LRRC4C: variants seen among roughly 807,000 people sequenced by gnomAD.
LRRC4C encodes leucine-rich repeat-containing protein 4C.
In LRRC4C, 5 loss-of-function variants were observed where a neutral mutation model predicts 33.6. The observed-to-expected ratio is 0.15, with a 90% CI of 0.08 to 0.31. The LOEUF (loss-of-function observed/expected upper bound fraction) is 0.31, where lower values mean the gene tolerates loss of function less well. Among genes scored for constraint, LRRC4C ranks in the 10% least tolerant of loss-of-function variants. LRRC4C has a pLI of 1.00. For missense variants in LRRC4C, 560 were observed against 796.7 expected (o/e 0.70, Z 3.58); for synonymous variants, 329 against 302.0 (o/e 1.09, Z -0.93).
At chr11:40,700,230 T>A (rs78390788) in intron 2 of LRRC4C, among the ~76,000 whole-genome samples, 22,361 of 152,148 alleles carry the variant, frequency 0.15, 1,726 homozygotes, top group South Asian at 0.17. Flanking sequence ...TGTTATTTTG[T>A]TTAAACGTGA....
In LRRC4C at chr11:41,095,816, T is replaced by G. The variant is rs1343257271; in HGVS notation, c.-495-162093A>C. Among the ~76,000 whole-genome samples, 3 of 152,230 alleles carry G rather than the reference T, an allele frequency of 2.0e-5. No homozygotes were observed. In the East Asian group the frequency reaches 5.8e-4, roughly 29 times the overall value. ...TTTATTAGTGATAACGGTGGTGTTT[T>G]GATTTCCATCTGTCTGACTCATGTG... On this transcript the variant is annotated intron_variant, in intron 1 of 6. Transcript: ENST00000528697.
intron 1 of LRRC4C, among the ~76,000 whole-genome samples, chr11:41,181,515 C>T (rs1945448968): frequency 6.6e-6 from 1 of 152,136 alleles, no homozygotes. Flanking sequence ...CTCTGCTGAG[C>T]TCCTTTAGAA....
intron 3 of LRRC4C, among the ~76,000 whole-genome samples, chr11:40,477,554 A>G (rs900566751): frequency 6.6e-6 from 1 of 152,068 alleles, no homozygotes; most frequent in Non-Finnish European, 1.5e-5. Flanking sequence ...CTAAAAAAAA[A>G]AGTCTTCTAA....
chr11:41,068,972 G>T (rs537146128), intron 1 of LRRC4C, among the ~76,000 whole-genome samples: 1 of 152,200 alleles, frequency 6.6e-6, no homozygotes, highest in South Asian at 2.1e-4. Context: ...ATCAAAAAAA[G>T]AAAACTCAGG....
At position 40,965,817 on chromosome 11, in the gene LRRC4C, T is replaced by C. The variant is rs541296955; in HGVS notation, c.-495-32094A>G. The stretch of plus-strand genomic sequence containing the variant: ...TCAGGTAGCGTGATGCCTCCAACTT[T>C]GTTCTTTTGGCTTAGGATTGACTTG... On this transcript the variant is annotated intron_variant, in intron 1 of 6. Coordinates refer to ENST00000528697, the MANE Select transcript of LRRC4C (RefSeq NM_001258419.2). Among the ~76,000 whole-genome samples the C allele has an allele frequency of 7.2e-5, 11 of 152,198 alleles. 1 individual carries two copies. In the South Asian group the frequency reaches 2.3e-3, roughly 32 times the overall value.
At chr11:41,345,569 C>G (rs905753627) in intron 1 of LRRC4C, among the ~76,000 whole-genome samples, 9 of 152,096 alleles carry the variant, frequency 5.9e-5, no homozygotes, top group Non-Finnish European at 1.2e-4. Context: ...TTCCCATAGC[C>G]TATTATCTAT....
intron 3 of LRRC4C, among the ~76,000 whole-genome samples, chr11:40,645,336 C>T (rs1942383441): frequency 6.6e-6 from 1 of 152,084 alleles, no homozygotes; most frequent in South Asian, 2.1e-4. Context: ...ACAGAACAGG[C>T]TGTGTGCTTT....
chr11:41,349,485 C>A (rs1286900659), intron 1 of LRRC4C, among the ~76,000 whole-genome samples: 6 of 152,028 alleles, frequency 3.9e-5, no homozygotes, highest in African/African-American at 7.2e-5. Flanking sequence ...AACAAAAAAA[C>A]AACAACAAAA....
intron 3 of LRRC4C, among the ~76,000 whole-genome samples, chr11:40,546,087 TTCC>T (rs1956906501): frequency 8.5e-5 from 1 of 11,776 alleles, no homozygotes; most frequent in Non-Finnish European, 2.4e-4. Flanking sequence ...CCTTCCTACC[TTCC>T]TTCCTTCCTT....
At chr11:40,288,197 G>A (rs1189746973) in intron 4 of LRRC4C, among the ~76,000 whole-genome samples, 1 of 152,120 alleles carries the variant, frequency 6.6e-6, no homozygotes, top group Admixed American at 6.6e-5. Context: ...CTGAGTATTT[G>A]AATTCACTTA....
chr11:41,376,456 TAGCA>T (rs1952940087), intron 1 of LRRC4C, among the ~76,000 whole-genome samples: 1 of 152,190 alleles, frequency 6.6e-6, no homozygotes, highest in African/African-American at 2.4e-5. Flanking sequence ...ATGGCCAGAC[TAGCA>T]ACACCTGGCC....
chr11:40,887,585 G>A (rs1238050620), intron 2 of LRRC4C, among the ~76,000 whole-genome samples: 2 of 152,052 alleles, frequency 1.3e-5, no homozygotes, highest in African/African-American at 4.8e-5. Context: ...ACACATTGGA[G>A]TTGGTTGTTA....
chr11:41,321,733 TTAG>T (rs1479581600), intron 1 of LRRC4C, among the ~76,000 whole-genome samples: 1 of 152,124 alleles, frequency 6.6e-6, no homozygotes, highest in Non-Finnish European at 1.5e-5. Context: ...GATCATCTAC[TTAG>T]TAACTGGGAA....
At chr11:41,212,579 T>C (rs1325743875) in intron 1 of LRRC4C, among the ~76,000 whole-genome samples, 2 of 152,184 alleles carry the variant, frequency 1.3e-5, no homozygotes, top group Non-Finnish European at 2.9e-5. Flanking sequence ...GTTCTCCTTC[T>C]TCCCACCCCT....
intron 4 of LRRC4C, among the ~76,000 whole-genome samples, chr11:40,299,448 G>A (rs1435835639): frequency 6.6e-6 from 1 of 152,176 alleles, no homozygotes; most frequent in African/African-American, 2.4e-5. Flanking sequence ...TGTGAAAAAG[G>A]AAAGTAGATG....
intron 4 of LRRC4C, among the ~76,000 whole-genome samples, chr11:40,264,966 T>G (rs544732546): frequency 5.3e-5 from 8 of 152,320 alleles, no homozygotes; most frequent in Non-Finnish European, 8.8e-5. Flanking sequence ...AATATTGAAC[T>G]AAACGGCTAA....
chr11:40,882,736 T>C (rs535600316), intron 2 of LRRC4C, among the ~76,000 whole-genome samples: 1 of 152,254 alleles, frequency 6.6e-6, no homozygotes, highest in African/African-American at 2.4e-5. Context: ...AATTATTTAC[T>C]GCCCATACTG....
chr11:41,051,664 A>G (rs1858239052), intron 1 of LRRC4C, among the ~76,000 whole-genome samples: 1 of 147,942 alleles, frequency 6.8e-6, no homozygotes, highest in Admixed American at 6.9e-5. Flanking sequence ...ACTGGCTTTT[A>G]GATGCTGTAA....
intron 3 of LRRC4C, among the ~76,000 whole-genome samples, chr11:40,498,192 G>C (rs1377135154): frequency 6.6e-6 from 1 of 152,114 alleles, no homozygotes; most frequent in African/African-American, 2.4e-5. Flanking sequence ...ATTGAGTTCT[G>C]TTCCTAAAGT....
Sources: gnomAD v4.1 joint callset for allele counts (sites outside exome capture counted in the v4.1 genomes callset) on GRCh38, gnomAD v4.1.1 for gene constraint, MANE v1.5 for transcripts, NCBI Gene and HGNC (gene_info 2026-07-23, HGNC 2026-07-21) for gene names.